Variants in ARL15 observed in about 807,000 individuals in gnomAD.
ARL15 encodes ARF like GTPase 15.
ARL15 carries 19 observed loss-of-function variants against 25.2 expected under a neutral mutation model. The ratio of observed to expected loss-of-function variants is 0.75; its 90% CI spans 0.53 to 1.10. ARL15 has a LOEUF of 1.10. Ranked by LOEUF, ARL15 falls within the 50% of genes least tolerant of loss-of-function variation. The pLI is 0.00. For missense variants in ARL15, 220 were observed against 246.0 expected (o/e 0.89, Z 0.71); for synonymous variants, 94 against 86.8 (o/e 1.08, Z -0.46).
At position 53,885,929 on chromosome 5, in the gene ARL15, G is replaced by C. The variant is rs985355993; in HGVS notation, c.*632C>G. 6 of 152,042 alleles carry C rather than the reference G, an allele frequency of 3.9e-5. No homozygotes were observed. The highest frequency in any genetic ancestry group is 5.9e-5 in the Non-Finnish European group (4 of 68,010). The allele number at this position is 152,042 out of a possible 1,614,324, so 9.4% of individuals were successfully genotyped here. A position where few individuals can be genotyped will look rare whatever the true frequency, so the allele number is the denominator to read the frequency against. On this transcript the variant is annotated 3_prime_UTR_variant, in exon 5 of 5. Coordinates refer to ENST00000504924, the MANE Select transcript of ARL15 (RefSeq NM_019087.3). ...TGCTCTTAAAAGAGAAGAGACTTCA[G>C]ATGTAATCAAGAAAACATTGTGTAA...
chr5:53,966,718 C>T (rs1747577516), intron 4 of ARL15, among the ~76,000 whole-genome samples: 1 of 152,184 alleles, frequency 6.6e-6, no homozygotes, highest in South Asian at 2.1e-4. Context: ...ACGACTGTTA[C>T]TGTGGTGGTG....
chr5:54,224,969 C>G (rs1364726567), intron 1 of ARL15, among the ~76,000 whole-genome samples: 1 of 152,174 alleles, frequency 6.6e-6, no homozygotes, highest in Non-Finnish European at 1.5e-5. Flanking sequence ...AATAAAGGCA[C>G]TGGAGTCAAA....
chr5:54,296,566 G>A (rs1272633399), intron 1 of ARL15, among the ~76,000 whole-genome samples: 1 of 152,210 alleles, frequency 6.6e-6, no homozygotes, highest in East Asian at 1.9e-4. Context: ...ATATTAAGAG[G>A]CCTGCAACCC....
intron 1 of ARL15, among the ~76,000 whole-genome samples, chr5:54,184,439 TAAAAAAAA>T (rs527755025): frequency 2.2e-4 from 15 of 69,116 alleles, no homozygotes; most frequent in African/African-American, 3.3e-4. Flanking sequence ...ACACTGTCTT[TAAAAAAAA>T]AAAAAAAAAA....
chr5:54,217,470 CTAATA>C (rs577605574), intron 1 of ARL15, among the ~76,000 whole-genome samples: 154 of 152,156 alleles, frequency 1.0e-3, no homozygotes, highest in Non-Finnish European at 4.1e-4. Context: ...CTGCAAAAAA[CTAATA>C]TAAGAAGGTA....
At chr5:54,185,980 A>G (rs1755225528) in intron 1 of ARL15, among the ~76,000 whole-genome samples, 1 of 152,174 alleles carries the variant, frequency 6.6e-6, no homozygotes. Flanking sequence ...TTGCAATAAT[A>G]ACAACAATTA....
intron 1 of ARL15, among the ~76,000 whole-genome samples, chr5:54,223,107 G>T (rs2112536231): frequency 6.6e-6 from 1 of 151,346 alleles, no homozygotes; most frequent in East Asian, 1.9e-4. Context: ...AGTCAAACTG[G>T]GCCTTAAAAT....
chr5:53,934,290 G>A (rs565432648), intron 4 of ARL15, among the ~76,000 whole-genome samples: 6 of 152,222 alleles, frequency 3.9e-5, no homozygotes, highest in African/African-American at 7.2e-5. Flanking sequence ...CAGAATTCCC[G>A]GATGCTGGGA....
Position 54,119,230 on chromosome 5 carries a change from A to G in ARL15, c.254-5820T>C, listed in dbSNP as rs576080123. 5.3e-5 allele frequency among the ~76,000 whole-genome samples: 8 copies of G among 152,268 alleles called. No homozygotes were observed. The East Asian group carries it at 1.5e-3, about 29-fold the overall frequency. ...AACCTTTAAGAGGTGATTAAGTCAC[A>G]AGGACTTCACTTTCAAAAATGGATT... On this transcript the variant is annotated intron_variant, in intron 3 of 4. Coordinates refer to ENST00000504924, the MANE Select transcript of ARL15 (RefSeq NM_019087.3).
At chr5:54,013,243 G>C (rs1306064372) in intron 4 of ARL15, among the ~76,000 whole-genome samples, 1 of 152,176 alleles carries the variant, frequency 6.6e-6, no homozygotes, top group Non-Finnish European at 1.5e-5. Context: ...ATCTCATATA[G>C]GTTAAGCATC....
chr5:54,205,093 G>T (rs945034511), intron 1 of ARL15, among the ~76,000 whole-genome samples: 1 of 151,880 alleles, frequency 6.6e-6, no homozygotes, highest in Admixed American at 6.6e-5. Flanking sequence ...GAGCCACCAC[G>T]CCTGGCCTCC....
At chr5:54,068,118 T>C (rs764171318) in intron 4 of ARL15, among the ~76,000 whole-genome samples, 6 of 152,186 alleles carry the variant, frequency 3.9e-5, no homozygotes, top group Non-Finnish European at 7.3e-5. Context: ...TACAGTCTCA[T>C]AATTTAAAAG....
Position 54,029,329 on chromosome 5 carries a change from C to G in ARL15, c.462+83873G>C, listed in dbSNP as rs992447085. On this transcript the variant is annotated intron_variant, in intron 4 of 4. Coordinates refer to ENST00000504924, the MANE Select transcript of ARL15 (RefSeq NM_019087.3). ...GTTACCACCACCACCACCACCACCA[C>G]CACTACCACCACCACCACCACCACC... Among the ~76,000 whole-genome samples the G allele has an allele frequency of 2.6e-5, 3 of 113,418 alleles. No homozygotes were observed. The Admixed American group carries it at 2.7e-4, about 10-fold the overall frequency. 74.4% of individuals were successfully genotyped at this position (113,418 alleles called of 152,430 possible).
At chr5:53,967,460 A>G (rs1042786319) in intron 4 of ARL15, among the ~76,000 whole-genome samples, 4 of 152,254 alleles carry the variant, frequency 2.6e-5, no homozygotes, top group African/African-American at 9.6e-5. Context: ...TGAAGGCTAT[A>G]GTGAACTTGA....
intron 4 of ARL15, among the ~76,000 whole-genome samples, chr5:53,887,076 C>T (rs185736887): frequency 1.8e-4 from 28 of 152,288 alleles, no homozygotes; most frequent in African/African-American, 6.7e-4. Context: ...AGCAGAGTAG[C>T]TTTCACTATC....
chr5:53,984,768 A>G (rs531031128), intron 4 of ARL15, among the ~76,000 whole-genome samples: 4 of 152,094 alleles, frequency 2.6e-5, no homozygotes, highest in Admixed American at 6.5e-5. Flanking sequence ...TCTGCCTTCA[A>G]TTTACTGAGA....
rs967378550 is a variant in ARL15, at chr5:53,929,066, C to T, written c.463-42353G>A. ...TACAGAGAACTCAAGAAAGATAATCCTTAAAGTTTTTATGAAGTTAGAGGG... is the reference window on the plus strand; with the variant it reads ...TACAGAGAACTCAAGAAAGATAATCTTTAAAGTTTTTATGAAGTTAGAGGG... On this transcript the variant is annotated intron_variant, in intron 4 of 4. Coordinates refer to ENST00000504924, the MANE Select transcript of ARL15 (RefSeq NM_019087.3). Among the ~76,000 whole-genome samples, 5 of 151,526 alleles carry T rather than the reference C, an allele frequency of 3.3e-5. No homozygotes were observed. The South Asian group carries it at 6.2e-4, about 19-fold the overall frequency.
chr5:53,954,924 A>G (rs1208554776), intron 4 of ARL15, among the ~76,000 whole-genome samples: 3 of 152,054 alleles, frequency 2.0e-5, no homozygotes. Flanking sequence ...CATATGTGCC[A>G]TACTCCAACA....
In ARL15 at chr5:54,255,424, A is replaced by G. The variant is rs7716157; in HGVS notation, c.48+55008T>C. Reference sequence around the variant, plus strand: ...TAGTAAAAGATGCAAATTAATAATTACTATTAACTTAATAAATCCACAAGA... The same window carrying G: ...TAGTAAAAGATGCAAATTAATAATTGCTATTAACTTAATAAATCCACAAGA... On this transcript the variant is annotated intron_variant, in intron 1 of 4. Transcript: ENST00000504924. Among the ~76,000 whole-genome samples, 1,087 of 152,374 alleles carry G rather than the reference A, an allele frequency of 7.1e-3. 15 individuals are homozygous for G. The highest frequency in any genetic ancestry group is 0.025 in the African/African-American group (1,020 of 41,588).
Sources: gnomAD v4.1 joint callset for allele counts (sites outside exome capture counted in the v4.1 genomes callset) on GRCh38, gnomAD v4.1.1 for gene constraint, MANE v1.5 for transcripts, NCBI Gene and HGNC (gene_info 2026-07-23, HGNC 2026-07-21) for gene names.